Variants in TMEM135 observed in about 807,000 individuals in gnomAD.
The protein encoded by TMEM135 is peroxisomal membrane protein 52.
Under a neutral mutation model 60.3 loss-of-function variants are expected in TMEM135, and 30 were observed. The ratio of observed to expected loss-of-function variants is 0.50; its 90% CI spans 0.37 to 0.68. The LOEUF is 0.68. Among genes scored for constraint, TMEM135 ranks in the 30% least tolerant of loss-of-function variants. TMEM135 has a pLI of 0.00. For synonymous variants in TMEM135, 190 were observed against 186.7 expected, an observed-to-expected ratio of 1.02 and a Z score of -0.14; for missense variants, 468 against 548.8, an observed-to-expected ratio of 0.85 and a Z score of 1.47.
At chr11:87,300,518 A>G (rs1013362190) in intron 7 of TMEM135, among the ~76,000 whole-genome samples, 2 of 152,076 alleles carry the variant, frequency 1.3e-5, no homozygotes, top group African/African-American at 4.8e-5. Flanking sequence ...AACCATGCCA[A>G]CTCTCGTGGG....
intron 5 of TMEM135, among the ~76,000 whole-genome samples, chr11:87,193,425 C>T (rs573690252): frequency 1.3e-5 from 2 of 152,102 alleles, no homozygotes; most frequent in Non-Finnish European, 2.9e-5. Context: ...TTGTAATCTG[C>T]AAAATTTTCA....
chr11:87,283,719 G>C (rs375397253), intron 6 of TMEM135, among the ~76,000 whole-genome samples: 1 of 152,072 alleles, frequency 6.6e-6, no homozygotes, highest in African/African-American at 2.4e-5. Context: ...TTAGCTGGGC[G>C]TGGTGGCGGG....
rs17213102 is a variant in TMEM135 at position 87,318,428 on chromosome 11, C to T, written c.1176+193C>T. Among the ~76,000 whole-genome samples, 689 of 151,144 alleles carry T rather than the reference C, an allele frequency of 4.6e-3. 14 individuals are homozygous for T. In the East Asian group the frequency reaches 0.046, roughly 10 times the overall value. Reference sequence around the variant, plus strand: ...TCTAATCATTAATGTTAACCTAATGCGCTAGGTCCTTTTTATGAGTACACC... The same window carrying T: ...TCTAATCATTAATGTTAACCTAATGTGCTAGGTCCTTTTTATGAGTACACC... On this transcript the variant is annotated intron_variant, in intron 13 of 14. Coordinates refer to ENST00000305494, the MANE Select transcript of TMEM135 (RefSeq NM_022918.4).
chr11:87,249,031 C>T (rs1278445363), intron 6 of TMEM135, among the ~76,000 whole-genome samples: 1 of 152,060 alleles, frequency 6.6e-6, no homozygotes. Context: ...CCATGTCTAT[C>T]ATCTGCAAAG....
Position 87,239,189 on chromosome 11 carries a change from C to T in TMEM135, c.509+2505C>T, listed in dbSNP as rs151162046. On this transcript the variant is annotated intron_variant, in intron 6 of 14. Coordinates refer to ENST00000305494, the MANE Select transcript of TMEM135 (RefSeq NM_022918.4). ...AGGTTAAAAACAACAGTTTAAAATA[C>T]TTTCCAGAAGGCTCAATACAAGGTT... Among the ~76,000 whole-genome samples the T allele has an allele frequency of 2.8e-3, 422 of 152,122 alleles. 3 individuals carry two copies. The highest frequency in any genetic ancestry group is 9.8e-3 in the African/African-American group (405 of 41,538).
At chr11:87,097,271 A>AC (rs1210775293) in intron 4 of TMEM135, among the ~76,000 whole-genome samples, 1 of 152,152 alleles carries the variant, frequency 6.6e-6, no homozygotes, top group Non-Finnish European at 1.5e-5. Context: ...TGCTGGGATT[A>AC]CAGGCGTGAG....
chr11:87,150,227 A>G (rs1339525570), intron 4 of TMEM135, among the ~76,000 whole-genome samples: 1 of 151,490 alleles, frequency 6.6e-6, no homozygotes, highest in Non-Finnish European at 1.5e-5. Flanking sequence ...AAAAAAAAAA[A>G]AAAAAAAAGA....
chr11:87,262,132 A>G (rs1267183413), intron 6 of TMEM135, among the ~76,000 whole-genome samples: 1 of 151,768 alleles, frequency 6.6e-6, no homozygotes, highest in East Asian at 1.9e-4. Context: ...CATTTACACT[A>G]TTTGCAGGTT....
intron 6 of TMEM135, among the ~76,000 whole-genome samples, chr11:87,248,052 AG>A (rs1591137290): frequency 6.6e-6 from 1 of 151,666 alleles, no homozygotes; most frequent in East Asian, 1.9e-4. Flanking sequence ...ATAGCTGAAT[AG>A]CATTCCATCG....
intron 5 of TMEM135, among the ~76,000 whole-genome samples, chr11:87,183,623 T>C (rs181356642): frequency 1.3e-5 from 2 of 152,184 alleles, no homozygotes; most frequent in South Asian, 2.1e-4. Flanking sequence ...GCATTGACAC[T>C]AAAACTTGTG....
chr11:87,268,305 G>T (rs917395105), intron 6 of TMEM135, among the ~76,000 whole-genome samples: 1 of 146,890 alleles, frequency 6.8e-6, no homozygotes, highest in African/African-American at 2.5e-5. Context: ...TTGTAAAGAC[G>T]GGGTCTCCCT....
intron 5 of TMEM135, among the ~76,000 whole-genome samples, chr11:87,228,854 A>C (rs1940825420): frequency 6.6e-6 from 1 of 152,150 alleles, no homozygotes; most frequent in South Asian, 2.1e-4. Flanking sequence ...AGTCATGTTC[A>C]CATTTTTGAT....
intron 1 of TMEM135, among the ~76,000 whole-genome samples, chr11:87,053,037 C>A (rs1418557177): frequency 7.8e-6 from 1 of 127,470 alleles, no homozygotes; most frequent in Non-Finnish European, 1.6e-5. Flanking sequence ...AATTGGAAAC[C>A]ATCATTCTCA....
In TMEM135 at chr11:87,065,677, C is replaced by T. The variant is rs137872008; in HGVS notation, c.142-2017C>T. ...AAAAAGTTTGAATTTTGATGAAGTT[C>T]AGTTTATCAATTTTCTCTTTTGTGA... On this transcript the variant is annotated intron_variant, in intron 1 of 14. Transcript: ENST00000305494. Among the ~76,000 whole-genome samples, 1,493 of 152,220 alleles carry T rather than the reference C, an allele frequency of 9.8e-3. 14 individuals carry two copies. The highest frequency in any genetic ancestry group is 0.017 in the Middle Eastern group (5 of 294).
chr11:87,109,841 C>A (rs1398507080), intron 4 of TMEM135, among the ~76,000 whole-genome samples: 47 of 149,376 alleles, frequency 3.1e-4, no homozygotes, highest in Admixed American at 3.0e-3. Context: ...TTTTTTTTGC[C>A]ACTGTTATTG....
At chr11:87,222,390 C>A (rs1036844905) in intron 5 of TMEM135, among the ~76,000 whole-genome samples, 1 of 148,060 alleles carries the variant, frequency 6.8e-6, no homozygotes, top group African/African-American at 2.5e-5. Flanking sequence ...CCCAGCTACT[C>A]GGGAGGCTGA....
At chr11:87,047,515 G>C (rs965714138) in intron 1 of TMEM135, among the ~76,000 whole-genome samples, 25 of 150,386 alleles carry the variant, frequency 1.7e-4, no homozygotes, top group African/African-American at 6.1e-4. Context: ...AAGCGCAAGG[G>C]GTCAGGGAGT....
At chr11:87,281,425 T>C (rs1241031190) in intron 6 of TMEM135, among the ~76,000 whole-genome samples, 2 of 152,216 alleles carry the variant, frequency 1.3e-5, no homozygotes, top group African/African-American at 2.4e-5. Context: ...AAAATACTAA[T>C]TGATGTGTTG....
chr11:87,293,843 G>A (rs902389746), intron 6 of TMEM135, among the ~76,000 whole-genome samples: 4 of 152,276 alleles, frequency 2.6e-5, no homozygotes, highest in African/African-American at 7.2e-5. Flanking sequence ...TATCTTTATA[G>A]TAGAATGATT....
Sources: gnomAD v4.1 joint callset for allele counts (sites outside exome capture counted in the v4.1 genomes callset) on GRCh38, gnomAD v4.1.1 for gene constraint, MANE v1.5 for transcripts, NCBI Gene and HGNC (gene_info 2026-07-23, HGNC 2026-07-21) for gene names.